Variants in ZNF814 observed in about 807,000 individuals in gnomAD.
ZNF814 encodes the protein zinc finger protein 814.
ZNF814 carries 5 observed loss-of-function variants against 7.5 expected under a neutral mutation model. That is an observed-to-expected ratio of 0.67 (90% CI 0.35 to 1.40). The LOEUF (loss-of-function observed/expected upper bound fraction) is 1.40, where lower values mean the gene tolerates loss of function less well. Ranked by LOEUF, ZNF814 falls within the 40% of genes most tolerant of loss-of-function variation. The probability of loss-of-function intolerance (pLI) is 0.04; values close to 1 mark genes in which losing one functional copy is unlikely to be tolerated. For synonymous variants in ZNF814, 315 were observed against 340.7 expected (o/e 0.92, Z 0.83); for missense variants, 962 against 1,018.0 (o/e 0.94, Z 0.75).
intron 2 of ZNF814, among the ~76,000 whole-genome samples, chr19:57,875,792 A>C (rs150406466): frequency 6.6e-6 from 1 of 152,218 alleles, no homozygotes; most frequent in African/African-American, 2.4e-5. Flanking sequence ...AGAAGCGATA[A>C]GGTAGACAAG....
chr19:57,875,131 A>C lies in ZNF814; in HGVS notation c.259T>G (p.Ser87Ala). ...TQVRTPMAGV[S>A]PKKAHPCEMC... ...TCACAGGGGTGGGCCTTCTTGGGAG[A>C]CACACCTGCCATAGGAGTCCTGACC... is the stretch of plus-strand genomic sequence containing the variant. Residue 87 changes from serine to alanine, a missense_variant, in exon 3 of 3, where the codon TCT becomes GCT. By Grantham distance (99) the Ser-to-Ala change is moderately conservative (BLOSUM62 1). Transcript: ENST00000435989. 1 of 1,560,346 alleles carries C rather than the reference A, an allele frequency of 6.4e-7. No homozygotes were observed. The highest frequency in any genetic ancestry group is 8.7e-7 in the Non-Finnish European group (1 of 1,150,534).
chr19:57,883,350 T>C (rs1600139332), intron 1 of ZNF814, among the ~76,000 whole-genome samples: 2 of 101,966 alleles, frequency 2.0e-5, no homozygotes, highest in East Asian at 2.8e-4. Context: ...ACAGCGAGAC[T>C]CCATCTCAAA....
rs2071715876 is a variant in ZNF814 at position 57,888,896 on chromosome 19, A to T, written c.-94T>A. The T allele has an allele frequency of 7.2e-7, 1 of 1,398,586 alleles. No homozygotes were observed. Among genetic ancestry groups the T allele is most frequent in the Admixed American group, 2.0e-5 (1 of 49,472 alleles). The allele number at this position is 1,398,586 out of a possible 1,614,324, so 86.6% of individuals were successfully genotyped here. On this transcript the variant is annotated 5_prime_UTR_variant, in exon 1 of 3. Coordinates refer to ENST00000435989, the MANE Select transcript of ZNF814 (RefSeq NM_001144989.2). ...CCGTATCCTGGCCCAGGAGTGGGTC[A>T]CGCTGGGCGCCGTCACAGAGCTCCA...
chr19:57,885,400 G>A (rs569614494), intron 1 of ZNF814, among the ~76,000 whole-genome samples: 193 of 151,740 alleles, frequency 1.3e-3, no homozygotes, highest in Non-Finnish European at 2.3e-3. Flanking sequence ...GGAGGCTGAG[G>A]TGGGTGGATC....
In ZNF814 at chr19:57,873,365, G is replaced by C; in HGVS notation, c.2025C>G (p.Leu675=). 6.2e-7 allele frequency: 1 copy of C among 1,601,266 alleles called. No homozygotes were observed. The highest frequency in any genetic ancestry group is 8.5e-7 in the Non-Finnish European group (1 of 1,173,672). ...CGKCFSHKGN[L]ILHQHGHTGE... is the part of the protein sequence containing the mutation. ...CAGTATGGCCATGCTGGTGTAGAAT[G>C]AGGTTACCCTTGTGACTAAAACATT... is the stretch of plus-strand genomic sequence containing the variant. Residue 675 remains leucine, a synonymous_variant, in exon 3 of 3, where the codon CTC becomes CTG. Coordinates refer to ENST00000435989, the MANE Select transcript of ZNF814 (RefSeq NM_001144989.2).
At chr19:57,895,295 A>C in the ZNF814 span, among the ~76,000 whole-genome samples, 19 of 136,402 alleles carry the variant, frequency 1.4e-4, no homozygotes, top group African/African-American at 5.0e-4. Context: ...TTTTTTTTTG[A>C]GATGAAGTCT....
At chr19:57,900,586 C>T in the ZNF814 span, 1 of 152,150 alleles carries the variant, frequency 6.6e-6, no homozygotes, top group African/African-American at 2.4e-5. Context: ...CATCAGGGAG[C>T]AGGAGTTAAC....
At chr19:57,887,060 A>T (rs1414267753) in intron 1 of ZNF814, among the ~76,000 whole-genome samples, 4 of 146,258 alleles carry the variant, frequency 2.7e-5, no homozygotes, top group African/African-American at 1.0e-4. Flanking sequence ...GTGGTGGCGC[A>T]TGCCTGTAAT....
intron 1 of ZNF814, among the ~76,000 whole-genome samples, chr19:57,878,873 C>T (rs1219333986): frequency 2.6e-5 from 4 of 152,070 alleles, no homozygotes; most frequent in Non-Finnish European, 5.9e-5. Context: ...TCAAGAGCAG[C>T]CTGGACAACA....
In ZNF814 at chr19:57,872,857, C is replaced by T. The variant is rs1207292740; in HGVS notation, c.2533G>A (p.Val845Ile). 6.2e-7 allele frequency: 1 copy of T among 1,612,048 alleles called. No individual in the cohort carries two copies. The highest frequency in any genetic ancestry group is 8.5e-7 in the Non-Finnish European group (1 of 1,179,332). ...KLFNKKSHLLVHQSSHWRKAI is the reference protein window; with the variant it reads ...KLFNKKSHLLIHQSSHWRKAI ...TTTCTCCAGTGTGAACTCTGGTGTACAAGGAGGTGAGACTTCTTGTTAAAT... is the reference window on the plus strand; with the variant it reads ...TTTCTCCAGTGTGAACTCTGGTGTATAAGGAGGTGAGACTTCTTGTTAAAT... Residue 845 changes from valine to isoleucine, a missense_variant, in exon 3 of 3, where the codon GTA (valine) becomes ATA (isoleucine). Transcript: ENST00000435989.
intron 1 of ZNF814, among the ~76,000 whole-genome samples, chr19:57,878,166 C>CAAAAAAA (rs60614715): frequency 2.3e-5 from 2 of 88,434 alleles, no homozygotes; most frequent in African/African-American, 8.8e-5. Context: ...AACTCTGTCT[C>CAAAAAAA]AAAAAAAAAA....
Position 57,888,704 on chromosome 19 carries a change from G to A in ZNF814, c.36+63C>T, listed in dbSNP as rs1478139546. 25 of 1,542,934 alleles carry A rather than the reference G, an allele frequency of 1.6e-5. No individual in the cohort carries two copies. In the South Asian group the frequency reaches 2.3e-4, roughly 14 times the overall value. On this transcript the variant is annotated intron_variant, in intron 1 of 2. Coordinates refer to ENST00000435989, the MANE Select transcript of ZNF814 (RefSeq NM_001144989.2). ...GGCTGCAGAGCCGTGAACAGGCGCTGCTACCTCGCTGCTTTTGGGTGACGA... is the reference window on the plus strand; with the variant it reads ...GGCTGCAGAGCCGTGAACAGGCGCTACTACCTCGCTGCTTTTGGGTGACGA...
Position 57,888,841 on chromosome 19 carries a change from C to G in ZNF814, c.-39G>C. On this transcript the variant is annotated 5_prime_UTR_variant, in exon 1 of 3. Coordinates refer to ENST00000435989, the MANE Select transcript of ZNF814 (RefSeq NM_001144989.2). ...TTTAAGCAGAGTCGGGAGGATAGGG[C>G]GACCAGCCAGGAGATATGGGCACGA... 6.4e-7 allele frequency: 1 copy of G among 1,550,970 alleles called. No homozygotes were observed. The highest frequency in any genetic ancestry group is 2.4e-5 in the East Asian group (1 of 40,900).
upstream of ZNF814, among the ~76,000 whole-genome samples, chr19:57,890,488 G>A (rs947488999): frequency 6.6e-6 from 1 of 152,054 alleles, no homozygotes; most frequent in Non-Finnish European, 1.5e-5. Flanking sequence ...TGGTAGATAG[G>A]GGGCCATGAA....
In ZNF814 at chr19:57,873,886, T is replaced by C. The variant is rs1425367766; in HGVS notation, c.1504A>G (p.Ser502Gly). The C allele has an allele frequency of 1.3e-6, 2 of 1,599,630 alleles. No individual in the cohort carries two copies. Among genetic ancestry groups the C allele is most frequent in the African/African-American group, 1.4e-5 (1 of 71,296 alleles). The change falls in exon 3 of 3, where the codon AGT (serine) becomes GGT (glycine). Residue 502 changes from serine (S) to glycine (G), a missense_variant. By Grantham distance (56) the Ser-to-Gly change is moderately conservative (BLOSUM62 0). This residue lies in a region of ZNF814 where 665 missense variants were observed against 551.4 expected (regional missense o/e 1.21). Coordinates refer to ENST00000435989, the MANE Select transcript of ZNF814 (RefSeq NM_001144989.2). ...TGTAGAACGAGGTTGCCCTTTTGAC[T>C]GAAAGATTTCCCACATTCTCCACAC... Reference protein sequence around the residue: ...YQCGECGKSFSQKGNLVLHQR... With the variant: ...YQCGECGKSFGQKGNLVLHQR...
At chr19:57,895,838 C>T in the ZNF814 span, among the ~76,000 whole-genome samples, 2 of 150,822 alleles carry the variant, frequency 1.3e-5, no homozygotes, top group Non-Finnish European at 2.9e-5. Flanking sequence ...TTGGATCTCA[C>T]ACAAGAAAGA....
At chr19:57,880,884 C>T (rs200221703) in intron 1 of ZNF814, among the ~76,000 whole-genome samples, 18,006 of 144,478 alleles carry the variant, frequency 0.12, 14 homozygotes, top group East Asian at 0.14. Context: ...TCCCAAAGTG[C>T]TGGGATTACA....
In ZNF814 at chr19:57,873,721, A is replaced by AAT; in HGVS notation, c.1668_1669insAT (p.Phe557IlefsTer357). On this transcript the variant is annotated frameshift_variant, in exon 3 of 3. Coordinates refer to ENST00000435989, the MANE Select transcript of ZNF814 (RefSeq NM_001144989.2). LOFTEE classifies it low-confidence loss of function (END_TRUNC). Reference sequence around the variant, plus strand: ...AGAATGAGGGTGCCTTTATGACTAAAAGATTTCCCACACTCTCCACACTCA... The same window carrying AAT: ...AGAATGAGGGTGCCTTTATGACTAAAATAGATTTCCCACACTCTCCACACTCA... 1 of 1,613,352 alleles carries AAT rather than the reference A, an allele frequency of 6.2e-7. No homozygotes were observed. Among genetic ancestry groups the AAT allele is most frequent in the Non-Finnish European group, 8.5e-7 (1 of 1,179,732 alleles).
chr19:57,884,359 TCATAGCAGTTTGGGAGACTGAGG>T (rs1193059129), intron 1 of ZNF814, among the ~76,000 whole-genome samples: 1 of 152,162 alleles, frequency 6.6e-6, no homozygotes, highest in Non-Finnish European at 1.5e-5. Flanking sequence ...CCAGCTATAA[TCATAGCAGTTTGGGAGACTGAGG>T]CAGAAAGACC....
Sources: allele counts gnomAD v4.1 joint callset (sites outside exome capture counted in the v4.1 genomes callset), GRCh38; gene constraint gnomAD v4.1.1; regional missense constraint gnomAD v4.1.1; transcripts MANE v1.5; gene names NCBI Gene and HGNC (gene_info 2026-07-23, HGNC 2026-07-21).